KATNBL1: variants seen among roughly 807,000 people sequenced by gnomAD.
The protein encoded by KATNBL1 is katanin regulatory subunit B1 like 1, also known as KATNB1-like protein 1.
Under a neutral mutation model 44.7 loss-of-function variants are expected in KATNBL1, and 28 were observed. That is an observed-to-expected ratio of 0.63 (90% CI 0.46 to 0.86). KATNBL1 has a LOEUF of 0.86. KATNBL1 is among the 40% of genes least tolerant of loss of function. The pLI is 0.00. For synonymous variants in KATNBL1, 78 were observed against 114.9 expected (o/e 0.68, Z 2.06); for missense variants, 272 against 350.7 (o/e 0.78, Z 1.79).
At chr15:34,198,657 A>G (rs930575865) in intron 1 of KATNBL1, among the ~76,000 whole-genome samples, 1 of 152,360 alleles carries the variant, frequency 6.6e-6, no homozygotes, top group South Asian at 2.1e-4. Context: ...GGTGGAACTT[A>G]TCACAAAGAA....
intron 1 of KATNBL1, among the ~76,000 whole-genome samples, chr15:34,200,809 TTTTTG>T (rs147652699): frequency 0.15 from 23,301 of 151,740 alleles, 1,898 homozygotes; most frequent in African/African-American, 0.2. Context: ...TTCCTCAGTG[TTTTTG>T]TTTTGTTTTG....
intron 1 of KATNBL1, among the ~76,000 whole-genome samples, chr15:34,180,732 T>C (rs1889492440): frequency 6.6e-6 from 1 of 152,104 alleles, no homozygotes. Flanking sequence ...TTTTGACTCC[T>C]TTCTCCTTCC....
At chr15:34,180,270 G>GA (rs5811823) in intron 1 of KATNBL1, among the ~76,000 whole-genome samples, 86,397 of 149,816 alleles carry the variant, frequency 0.58, 25,565 homozygotes, top group East Asian at 0.7. Flanking sequence ...TCTCTCATCT[G>GA]AAAAAAAAAA....
intron 1 of KATNBL1, among the ~76,000 whole-genome samples, chr15:34,168,425 C>A (rs1889052229): frequency 6.6e-6 from 1 of 151,940 alleles, no homozygotes; most frequent in African/African-American, 2.4e-5. Flanking sequence ...ACAGGACCAC[C>A]CAGATTCATA....
intron 1 of KATNBL1, among the ~76,000 whole-genome samples, chr15:34,176,958 G>C (rs1232291835): frequency 1.3e-5 from 2 of 152,024 alleles, no homozygotes; most frequent in Admixed American, 1.3e-4. Flanking sequence ...ATGCGCTTTT[G>C]AAGTGCTATT....
At chr15:34,174,839 G>T (rs531066222) in intron 1 of KATNBL1, among the ~76,000 whole-genome samples, 2 of 152,006 alleles carry the variant, frequency 1.3e-5, no homozygotes, top group African/African-American at 4.8e-5. Context: ...ATGGGGTTTC[G>T]CCACGTTAGC....
chr15:34,178,346 T>C (rs1027357372), intron 1 of KATNBL1, among the ~76,000 whole-genome samples: 1 of 152,170 alleles, frequency 6.6e-6, no homozygotes, highest in Non-Finnish European at 1.5e-5. Context: ...TGGGTAACCT[T>C]TTCCTCTCTT....
intron 2 of KATNBL1, among the ~76,000 whole-genome samples, chr15:34,161,824 A>C (rs1467958006): frequency 6.6e-6 from 1 of 152,178 alleles, no homozygotes; most frequent in African/African-American, 2.4e-5. Flanking sequence ...GTGAGTATAA[A>C]GGCTAGAAGG....
chr15:34,161,368 G>A (rs1032045436), intron 2 of KATNBL1, among the ~76,000 whole-genome samples: 6 of 152,178 alleles, frequency 3.9e-5, no homozygotes, highest in African/African-American at 1.4e-4. Context: ...GAGGCTGCAG[G>A]GCGTGCCTCC....
chr15:34,161,737 A>C (rs909573430), intron 2 of KATNBL1, among the ~76,000 whole-genome samples: 2 of 152,170 alleles, frequency 1.3e-5, no homozygotes, highest in Admixed American at 1.3e-4. Flanking sequence ...TTCAGCGGGA[A>C]GGATGGTTAC....
intron 1 of KATNBL1, among the ~76,000 whole-genome samples, chr15:34,188,653 T>A (rs1489051471): frequency 3.9e-5 from 6 of 152,226 alleles, no homozygotes; most frequent in African/African-American, 1.4e-4. Flanking sequence ...ATTTCAGTTC[T>A]CCATTAGTTC....
chr15:34,202,916 G>A (rs1186130475), intron 1 of KATNBL1, among the ~76,000 whole-genome samples: 19 of 152,248 alleles, frequency 1.2e-4, no homozygotes, highest in African/African-American at 4.1e-4. Flanking sequence ...GCTTGAGCCC[G>A]GAAGGCGGAG....
chr15:34,204,708 C>A (rs1180958936), intron 1 of KATNBL1, among the ~76,000 whole-genome samples: 2 of 152,332 alleles, frequency 1.3e-5, no homozygotes, highest in East Asian at 3.9e-4. Context: ...CAACTGGAAA[C>A]ATACTTTGTA....
At chr15:34,195,122 T>C (rs575133948) in intron 1 of KATNBL1, among the ~76,000 whole-genome samples, 34 of 152,094 alleles carry the variant, frequency 2.2e-4, no homozygotes, top group Non-Finnish European at 3.1e-4. Context: ...AATAAATCAT[T>C]ATATCCAAAA....
intron 4 of KATNBL1, among the ~76,000 whole-genome samples, chr15:34,151,439 T>TC (rs1888473641): frequency 2.0e-4 from 3 of 15,306 alleles, no homozygotes; most frequent in African/African-American, 1.1e-3. Flanking sequence ...TTGCCTACTT[T>TC]TTTTTTTTTT....
chr15:34,159,713 G>C (rs935807469), intron 2 of KATNBL1, among the ~76,000 whole-genome samples: 4 of 152,068 alleles, frequency 2.6e-5, no homozygotes, highest in Non-Finnish European at 5.9e-5. Flanking sequence ...TTTAGGAAGG[G>C]GAGGAATTTT....
chr15:34,206,694 G>A (rs559524430), intron 1 of KATNBL1, among the ~76,000 whole-genome samples: 1 of 152,070 alleles, frequency 6.6e-6, no homozygotes, highest in African/African-American at 2.4e-5. Context: ...AGGAGGCTGA[G>A]GCAGGAGAAT....
At position 34,186,541 on chromosome 15, in the gene KATNBL1, G is replaced by T. The variant is rs1889720991; in HGVS notation, c.-14-22851C>A. 2.6e-5 allele frequency among the ~76,000 whole-genome samples: 4 copies of T among 152,172 alleles called. No individual in the cohort carries two copies. The South Asian group carries it at 8.3e-4, about 31-fold the overall frequency. On this transcript the variant is annotated intron_variant, in intron 1 of 9. Transcript: ENST00000256544. Reference sequence around the variant, plus strand: ...TCTCCAGGAAGCAGGCAGGAGGTGGGGACAGGCGGGAGCCCTGCCTCTTCC... The same window carrying T: ...TCTCCAGGAAGCAGGCAGGAGGTGGTGACAGGCGGGAGCCCTGCCTCTTCC...
At chr15:34,174,803 A>C (rs1403352474) in intron 1 of KATNBL1, among the ~76,000 whole-genome samples, 1 of 151,850 alleles carries the variant, frequency 6.6e-6, no homozygotes, top group Non-Finnish European at 1.5e-5. Context: ...CATCACACCC[A>C]GCTAATTTTT....
Sources: gnomAD v4.1 joint callset for allele counts (sites outside exome capture counted in the v4.1 genomes callset) on GRCh38, gnomAD v4.1.1 for gene constraint, MANE v1.5 for transcripts, NCBI Gene and HGNC (gene_info 2026-07-23, HGNC 2026-07-21) for gene names.